Variants in DMD observed in about 807,000 individuals in gnomAD.
DMD encodes the protein dystrophin.
A neutral mutation model predicts 330.1 loss-of-function variants in DMD; 63 were observed. That is an observed-to-expected ratio of 0.19 (90% CI 0.16 to 0.24). The LOEUF is 0.24. DMD is among the 10% of genes least tolerant of loss of function. The probability of loss-of-function intolerance (pLI) is 1.00; values close to 1 mark genes in which losing one functional copy is unlikely to be tolerated. For synonymous variants in DMD, 1,223 were observed against 959.8 expected (o/e 1.27, Z -5.07); for missense variants, 3,344 against 2,684.1 (o/e 1.25, Z -5.43).
chrX:33,024,642 C>T (rs1307256934), intron 1 of DMD, among the ~76,000 whole-genome samples: 1 of 111,374 alleles, frequency 9.0e-6, no homozygotes, highest in Non-Finnish European at 1.9e-5. Context: ...AACTTTTACC[C>T]TGTTATTAAC....
At chrX:32,272,233 A>G (rs1254841725) in intron 43 of DMD, among the ~76,000 whole-genome samples, 1 of 112,145 alleles carries the variant, frequency 8.9e-6, no homozygotes, top group Non-Finnish European at 1.9e-5. Context: ...GATCAAGAAC[A>G]GAGAAGGATT....
At chrX:32,915,171 A>C (rs897287677) in intron 2 of DMD, among the ~76,000 whole-genome samples, 3 of 112,058 alleles carry the variant, frequency 2.7e-5, no homozygotes, top group African/African-American at 9.7e-5. Flanking sequence ...AGATGGCATG[A>C]GGAAGCTGTG....
intron 1 of DMD, among the ~76,000 whole-genome samples, chrX:33,275,851 A>G (rs1475754247): frequency 1.8e-5 from 2 of 111,940 alleles, no homozygotes; most frequent in Admixed American, 1.9e-4. Flanking sequence ...ACTTGCATAC[A>G]CATATATTCC....
intron 2 of DMD, among the ~76,000 whole-genome samples, chrX:32,927,237 C>G (rs1350522738): frequency 1.8e-5 from 2 of 111,116 alleles, no homozygotes; most frequent in Non-Finnish European, 3.8e-5. Context: ...CTTGTTTTGA[C>G]AGAGTACTTA....
intron 52 of DMD, among the ~76,000 whole-genome samples, chrX:31,698,469 G>A (rs1424431096): frequency 8.9e-6 from 1 of 112,108 alleles, no homozygotes; most frequent in Admixed American, 9.5e-5. Context: ...CTAGAGTAAT[G>A]TAAGCATAAC....
chrX:31,950,431 C>T (rs2095145287), intron 45 of DMD, among the ~76,000 whole-genome samples: 1 of 111,171 alleles, frequency 9.0e-6, no homozygotes, highest in African/African-American at 3.3e-5. Context: ...GAGAAAATTT[C>T]ATGTGCACTT....
chrX:32,830,228 T>C (rs1037341078), intron 4 of DMD, among the ~76,000 whole-genome samples: 18 of 111,587 alleles, frequency 1.6e-4, no homozygotes, highest in African/African-American at 5.5e-4. Flanking sequence ...GTCATAACAT[T>C]TTTCTGAATT....
intron 1 of DMD, among the ~76,000 whole-genome samples, chrX:33,120,878 CAAAAAAAAAA>C (rs1171070469): frequency 2.5e-4 from 9 of 36,699 alleles, no homozygotes; most frequent in Admixed American, 5.2e-4. Flanking sequence ...ATGACTCTCT[CAAAAAAAAAA>C]AAAAAAAAAA....
intron 62 of DMD, among the ~76,000 whole-genome samples, chrX:31,310,237 C>T (rs1245133351): frequency 4.8e-5 from 5 of 103,374 alleles, no homozygotes; most frequent in Admixed American, 1.1e-4. Flanking sequence ...GTGTGTGTGT[C>T]TGTGTATGTA....
At chrX:32,075,619 A>G (rs114823362) in intron 44 of DMD, among the ~76,000 whole-genome samples, 78 of 111,235 alleles carry the variant, frequency 7.0e-4, no homozygotes, top group African/African-American at 2.4e-3. Flanking sequence ...TGTACCCATA[A>G]TTTTCCTATC....
At chrX:31,616,327 TG>T (rs2078198316) in intron 55 of DMD, among the ~76,000 whole-genome samples, 1 of 110,681 alleles carries the variant, frequency 9.0e-6, no homozygotes, top group Admixed American at 9.6e-5. Context: ...TAAGCTTAGA[TG>T]AAAAAAAGGA....
chrX:32,950,115 A>T (rs1602156229), intron 2 of DMD, among the ~76,000 whole-genome samples: 1 of 110,814 alleles, frequency 9.0e-6, no homozygotes, highest in Admixed American at 9.8e-5. Flanking sequence ...AGATTTCATT[A>T]TGTAGACAGT....
chrX:32,844,765 G>A lies in DMD; in HGVS notation c.264+18C>T, dbSNP rs756591688. On this transcript the variant is annotated intron_variant, in intron 4 of 78. Transcript: ENST00000357033. ...TGCTGTGTCACAGCATCCAGACCTT[G>A]TCCAGGGTACTACTTACATTATTGT... 1 of 1,194,549 alleles carries A rather than the reference G, an allele frequency of 8.4e-7. No individual in the cohort carries two copies. Among genetic ancestry groups the A allele is most frequent in the Admixed American group, 2.2e-5 (1 of 45,761 alleles).
chrX:32,960,000 T>C (rs367679936), intron 2 of DMD, among the ~76,000 whole-genome samples: 15 of 111,972 alleles, frequency 1.3e-4, no homozygotes, highest in African/African-American at 4.5e-4. Context: ...AGAAAACTTC[T>C]TAACTGCCTG....
intron 74 of DMD, among the ~76,000 whole-genome samples, chrX:31,166,424 A>T (rs1271303081): frequency 9.0e-6 from 1 of 111,555 alleles, no homozygotes; most frequent in Non-Finnish European, 1.9e-5. Flanking sequence ...AACATAAAAT[A>T]TATATATTAA....
At chrX:31,333,169 T>C (rs1345364041) in intron 61 of DMD, among the ~76,000 whole-genome samples, 1 of 112,233 alleles carries the variant, frequency 8.9e-6, no homozygotes, top group African/African-American at 3.2e-5. Context: ...TTTATCATTA[T>C]ATACTATATT....
At chrX:32,276,818 G>A (rs758479211) in intron 43 of DMD, among the ~76,000 whole-genome samples, 4 of 110,783 alleles carry the variant, frequency 3.6e-5, no homozygotes, top group East Asian at 2.9e-4. Context: ...CTCTTGGGGG[G>A]CTAAGGCACA....
chrX:31,764,755 A>C (rs1457483005), intron 51 of DMD, among the ~76,000 whole-genome samples: 1 of 111,826 alleles, frequency 8.9e-6, no homozygotes, highest in African/African-American at 3.2e-5. Context: ...ATAATTGAAG[A>C]GAGAAGATGA....
chrX:31,690,057 G>A (rs1251520995), intron 52 of DMD, among the ~76,000 whole-genome samples: 1 of 111,880 alleles, frequency 8.9e-6, no homozygotes, highest in Non-Finnish European at 1.9e-5. Context: ...ACGTAGGCAT[G>A]GGCAAGGACT....
Sources: allele counts gnomAD v4.1 joint callset (sites outside exome capture counted in the v4.1 genomes callset), GRCh38; gene constraint gnomAD v4.1.1; transcripts MANE v1.5; gene names NCBI Gene and HGNC (gene_info 2026-07-23, HGNC 2026-07-21).